Variants in PRDM16 observed in about 807,000 individuals in gnomAD.
The protein encoded by PRDM16 is PR/SET domain 16.
A neutral mutation model predicts 110.6 loss-of-function variants in PRDM16; 23 were observed. The observed-to-expected ratio is 0.21, with a 90% CI of 0.15 to 0.29. The LOEUF is 0.29. Ranked by LOEUF, PRDM16 falls within the 10% of genes least tolerant of loss-of-function variation. PRDM16 has a pLI of 1.00. For missense variants in PRDM16, 1,615 were observed against 1,794.3 expected (o/e 0.90, Z 1.81); for synonymous variants, 799 against 781.8 (o/e 1.02, Z -0.37).
chr1:3,117,035 T>C (rs924365018), intron 1 of PRDM16, among the ~76,000 whole-genome samples: 3 of 152,170 alleles, frequency 2.0e-5, no homozygotes, highest in Non-Finnish European at 4.4e-5. Context: ...GGGTGACAGG[T>C]GGGCACAGCT....
intron 3 of PRDM16, among the ~76,000 whole-genome samples, chr1:3,318,854 G>A (rs1641674732): frequency 6.6e-6 from 1 of 152,188 alleles, no homozygotes; most frequent in African/African-American, 2.4e-5. Context: ...TAATAAAAAC[G>A]CCAAAGGAGT....
intron 1 of PRDM16, among the ~76,000 whole-genome samples, chr1:3,181,761 T>TA (rs1644203991): frequency 7.3e-6 from 1 of 137,748 alleles, no homozygotes. Context: ...CACACGGTCT[T>TA]ACACACAGTC....
At chr1:3,307,890 G>T (rs560278364) in intron 3 of PRDM16, 2 of 152,194 alleles carry the variant, frequency 1.3e-5, no homozygotes, top group Non-Finnish European at 2.9e-5. Context: ...GGCTCAGCCT[G>T]TGAGAGTTGG....
chr1:3,430,463 A>C (rs1638734167), intron 14 of PRDM16, among the ~76,000 whole-genome samples: 3 of 152,168 alleles, frequency 2.0e-5, no homozygotes, highest in Non-Finnish European at 4.4e-5. Context: ...TCGAGTTGTC[A>C]GCCTGAATTC....
intron 3 of PRDM16, among the ~76,000 whole-genome samples, chr1:3,276,668 C>CAAGGTGCCGT (rs1640589612): frequency 3.5e-3 from 2 of 568 alleles, no homozygotes; most frequent in Admixed American, 0.011. Context: ...CCAGCCAGCT[C>CAAGGTGCCGT]GAGGTGCCGT....
chr1:3,377,374 G>C (rs1569612205), intron 3 of PRDM16, among the ~76,000 whole-genome samples: 1 of 152,368 alleles, frequency 6.6e-6, no homozygotes, highest in East Asian at 1.9e-4. Flanking sequence ...GCACACCCTG[G>C]ACGGGGCCGG....
intron 3 of PRDM16, among the ~76,000 whole-genome samples, chr1:3,250,402 A>T (rs1639902140): frequency 6.6e-6 from 1 of 152,048 alleles, no homozygotes; most frequent in Admixed American, 6.5e-5. Context: ...AGCATGGCCC[A>T]AGGTGAGTTA....
intron 3 of PRDM16, among the ~76,000 whole-genome samples, chr1:3,325,346 G>T (rs1385994307): frequency 1.3e-5 from 2 of 152,214 alleles, no homozygotes; most frequent in Admixed American, 6.5e-5. Flanking sequence ...GCTCAGGCCT[G>T]AGCATCAGCT....
chr1:3,164,656 G>A (rs1214027666), intron 1 of PRDM16, among the ~76,000 whole-genome samples: 1 of 152,210 alleles, frequency 6.6e-6, no homozygotes. Flanking sequence ...AAACGCGGAC[G>A]GCAGGCGAGG....
intron 1 of PRDM16, among the ~76,000 whole-genome samples, chr1:3,101,326 G>A (rs1369746802): frequency 6.6e-6 from 1 of 152,194 alleles, no homozygotes; most frequent in Non-Finnish European, 1.5e-5. Context: ...CATTGTCTAG[G>A]GGAGATTAAA....
At chr1:3,200,771 G>C (rs1240182532) in intron 2 of PRDM16, among the ~76,000 whole-genome samples, 2 of 152,206 alleles carry the variant, frequency 1.3e-5, no homozygotes, top group Non-Finnish European at 2.9e-5. Context: ...CAAGTGGACA[G>C]GGCTTGGGGG....
At chr1:3,319,577 A>C (rs886753063) in intron 3 of PRDM16, among the ~76,000 whole-genome samples, 25 of 152,116 alleles carry the variant, frequency 1.6e-4, no homozygotes, top group Non-Finnish European at 3.2e-4. Flanking sequence ...TCAATATCTC[A>C]CCAGTGGCCC....
chr1:3,173,245 G>A (rs1274206489), intron 1 of PRDM16, among the ~76,000 whole-genome samples: 2 of 152,024 alleles, frequency 1.3e-5, no homozygotes, highest in South Asian at 2.1e-4. Context: ...AGGAGAGGAA[G>A]AAAAAAGGCC....
intron 3 of PRDM16, among the ~76,000 whole-genome samples, chr1:3,321,892 T>G (rs1382023239): frequency 1.3e-5 from 2 of 151,594 alleles, no homozygotes. Context: ...ATATATGTGT[T>G]TGTGTTTGTA....
intron 3 of PRDM16, among the ~76,000 whole-genome samples, chr1:3,248,292 G>A (rs562824629): frequency 6.8e-4 from 103 of 152,146 alleles, no homozygotes; most frequent in Non-Finnish European, 1.3e-3. Flanking sequence ...AACATGGCCC[G>A]GCAGCCTTTC....
intron 1 of PRDM16, among the ~76,000 whole-genome samples, chr1:3,139,091 A>G (rs1333796445): frequency 6.6e-6 from 1 of 152,122 alleles, no homozygotes; most frequent in Non-Finnish European, 1.5e-5. Flanking sequence ...GTTTGTCTCC[A>G]TGACTTACGC....
intron 2 of PRDM16, among the ~76,000 whole-genome samples, chr1:3,241,740 G>A (rs1008671761): frequency 4.6e-5 from 7 of 152,206 alleles, no homozygotes; most frequent in African/African-American, 1.7e-4. Context: ...ACGCTCGGAG[G>A]GCAGGGAGAC....
intron 3 of PRDM16, among the ~76,000 whole-genome samples, chr1:3,349,810 T>G (rs544547216): frequency 2.4e-4 from 37 of 152,328 alleles, no homozygotes; most frequent in Non-Finnish European, 4.9e-4. Context: ...CTGGCCACGG[T>G]GCTGGGCTTG....
rs548888377 is a variant in PRDM16, at chr1:3,350,477, C to T, written c.439-34675C>T. Among the ~76,000 whole-genome samples, 54 of 152,316 alleles carry T rather than the reference C, an allele frequency of 3.5e-4. No homozygotes were observed. Among genetic ancestry groups the T allele is most frequent in the Admixed American group, 1.4e-3 (22 of 15,314 alleles). Reference sequence around the variant, plus strand: ...CTGCAGTCAGGGTCAGGTTTGGTGACACTTGGATCCAGACATAATGTGTGT... The same window carrying T: ...CTGCAGTCAGGGTCAGGTTTGGTGATACTTGGATCCAGACATAATGTGTGT... On this transcript the variant is annotated intron_variant, in intron 3 of 16. Transcript: ENST00000270722. The surrounding 1 kb of genome is among the most constrained non-coding windows in gnomAD (Gnocchi z 7.1).
Sources: gnomAD v4.1 joint callset for allele counts (sites outside exome capture counted in the v4.1 genomes callset) on GRCh38, gnomAD v4.1.1 for gene constraint, Gnocchi (gnomAD v3.1) non-coding constraint, MANE v1.5 for transcripts, NCBI Gene and HGNC (gene_info 2026-07-23, HGNC 2026-07-21) for gene names.